Variants in NELL1 observed in about 807,000 individuals in gnomAD.
NELL1 encodes the protein protein kinase C-binding protein NELL1.
NELL1 carries 76 observed loss-of-function variants against 107.4 expected under a neutral mutation model. That is an observed-to-expected ratio of 0.71 (90% CI 0.59 to 0.86). The LOEUF (loss-of-function observed/expected upper bound fraction) is 0.86. Ranked by LOEUF, NELL1 falls within the 40% of genes least tolerant of loss-of-function variation. The pLI is 0.00. For synonymous variants in NELL1, 353 were observed against 341.2 expected, an observed-to-expected ratio of 1.03 and a Z score of -0.38; for missense variants, 1,024 against 1,005.5, an observed-to-expected ratio of 1.02 and a Z score of -0.25.
intron 12 of NELL1, among the ~76,000 whole-genome samples, chr11:20,980,626 T>C (rs1386978127): frequency 6.6e-6 from 1 of 152,224 alleles, no homozygotes; most frequent in African/African-American, 2.4e-5. Flanking sequence ...TCTATACAGT[T>C]CTGAATTTTT....
At chr11:20,851,342 T>G (rs1848791948) in intron 4 of NELL1, among the ~76,000 whole-genome samples, 1 of 152,198 alleles carries the variant, frequency 6.6e-6, no homozygotes, top group Non-Finnish European at 1.5e-5. Flanking sequence ...TTGTTTCAGC[T>G]GTTTAGCTGG....
At chr11:20,938,914 C>CTG (rs1162625349) in intron 10 of NELL1, among the ~76,000 whole-genome samples, 2 of 87,822 alleles carry the variant, frequency 2.3e-5, no homozygotes, top group African/African-American at 9.5e-5. Flanking sequence ...CTCTGTCTCT[C>CTG]TCTCTCTCTC....
intron 14 of NELL1, among the ~76,000 whole-genome samples, chr11:21,235,988 C>A (rs957719814): frequency 5.3e-5 from 8 of 152,132 alleles, no homozygotes; most frequent in African/African-American, 1.9e-4. Flanking sequence ...CTTATGATAT[C>A]ATCTTTCCCC....
chr11:20,932,070 G>C (rs1005723466), intron 9 of NELL1, among the ~76,000 whole-genome samples: 1 of 152,132 alleles, frequency 6.6e-6, no homozygotes, highest in Admixed American at 6.5e-5. Context: ...AAGCATCCAT[G>C]GCGGTACCGA....
chr11:21,520,919 G>C (rs1441477014), intron 15 of NELL1, among the ~76,000 whole-genome samples: 1 of 152,176 alleles, frequency 6.6e-6, no homozygotes, highest in Non-Finnish European at 1.5e-5. Flanking sequence ...AAATGCATCT[G>C]GCTATCCTGC....
At chr11:21,272,951 G>GA (rs1260261446) in intron 14 of NELL1, among the ~76,000 whole-genome samples, 4 of 152,096 alleles carry the variant, frequency 2.6e-5, no homozygotes, top group Admixed American at 1.3e-4. Flanking sequence ...CAAAGATGGG[G>GA]AAAAAACAGA....
At chr11:21,238,249 AT>A (rs1474554141) in intron 14 of NELL1, among the ~76,000 whole-genome samples, 5 of 152,058 alleles carry the variant, frequency 3.3e-5, no homozygotes, top group African/African-American at 1.2e-4. Flanking sequence ...TCCCTTCAGA[AT>A]ATCACAAATA....
intron 16 of NELL1, among the ~76,000 whole-genome samples, chr11:21,547,975 G>A (rs867588555): frequency 6.6e-5 from 10 of 151,740 alleles, no homozygotes; most frequent in African/African-American, 2.2e-4. Context: ...AGTTTCTACC[G>A]ATTCCTAAAT....
intron 14 of NELL1, among the ~76,000 whole-genome samples, chr11:21,230,669 A>T (rs1858024160): frequency 6.6e-6 from 1 of 152,234 alleles, no homozygotes; most frequent in Non-Finnish European, 1.5e-5. Context: ...GTAATGAGTG[A>T]AAAATAATTT....
chr11:21,315,441 T>C lies in NELL1; in HGVS notation c.1550-55412T>C, dbSNP rs369300409. Reference sequence around the variant, plus strand: ...GCAGTGCACCAGATTCAGGATGGGTTTAGGTTAAAGAATGGACAGAACTTG... The same window carrying C: ...GCAGTGCACCAGATTCAGGATGGGTCTAGGTTAAAGAATGGACAGAACTTG... On this transcript the variant is annotated intron_variant, in intron 14 of 19. Coordinates refer to ENST00000357134, the MANE Select transcript of NELL1 (RefSeq NM_006157.5). Among the ~76,000 whole-genome samples the C allele has an allele frequency of 1.2e-4, 19 of 152,204 alleles. No individual in the cohort carries two copies. The East Asian group carries it at 1.6e-3, about 12-fold the overall frequency.
At chr11:20,709,667 C>T (rs993189056) in intron 2 of NELL1, among the ~76,000 whole-genome samples, 17 of 152,218 alleles carry the variant, frequency 1.1e-4, no homozygotes, top group South Asian at 6.2e-4. Flanking sequence ...TCTACCCATC[C>T]GTAAGTGTGG....
chr11:21,228,696 CT>C (rs1393721425), intron 13 of NELL1, among the ~76,000 whole-genome samples: 4 of 5,730 alleles, frequency 7.0e-4, no homozygotes, highest in Admixed American at 1.6e-3. Context: ...CCCCTCCCCT[CT>C]CCTTCCCTCC....
chr11:20,718,201 A>T (rs1855297843), intron 2 of NELL1, among the ~76,000 whole-genome samples: 1 of 152,194 alleles, frequency 6.6e-6, no homozygotes, highest in Non-Finnish European at 1.5e-5. Flanking sequence ...GATGGAAAAG[A>T]TCTATAGCTA....
intron 14 of NELL1, among the ~76,000 whole-genome samples, chr11:21,263,253 T>C (rs1455796806): frequency 2.0e-5 from 3 of 151,940 alleles, no homozygotes; most frequent in Non-Finnish European, 4.4e-5. Context: ...CTCAAATGTT[T>C]AACCCGGCTT....
intron 13 of NELL1, among the ~76,000 whole-genome samples, chr11:21,124,658 A>G (rs1312934562): frequency 2.0e-5 from 3 of 151,226 alleles, no homozygotes; most frequent in Admixed American, 2.0e-4. Flanking sequence ...CTAGAGTGCA[A>G]TGGTGCGATC....
intron 3 of NELL1, among the ~76,000 whole-genome samples, chr11:20,790,234 G>C (rs59843654): frequency 0.028 from 4,329 of 152,264 alleles, 207 homozygotes; most frequent in African/African-American, 0.098. Context: ...AGGTGCCAAG[G>C]GATACCTGCA....
At chr11:20,734,143 G>A in intron 2 of NELL1, among the ~76,000 whole-genome samples, 1 of 152,132 alleles carries the variant, frequency 6.6e-6, no homozygotes, top group East Asian at 1.9e-4. Context: ...AAGGCTCCAA[G>A]CTTGGTGAGT....
chr11:20,971,825 C>T (rs1023295520), intron 12 of NELL1, among the ~76,000 whole-genome samples: 4 of 152,074 alleles, frequency 2.6e-5, no homozygotes, highest in Admixed American at 1.3e-4. Context: ...CACATATAGC[C>T]CATGGAATAC....
chr11:21,344,013 T>C (rs1850631543), intron 14 of NELL1, among the ~76,000 whole-genome samples: 1 of 152,200 alleles, frequency 6.6e-6, no homozygotes, highest in Admixed American at 6.5e-5. Context: ...TTTTTAATTT[T>C]GTACCAAGCA....
Sources: allele counts gnomAD v4.1 joint callset (sites outside exome capture counted in the v4.1 genomes callset), GRCh38; gene constraint gnomAD v4.1.1; transcripts MANE v1.5; gene names NCBI Gene and HGNC (gene_info 2026-07-23, HGNC 2026-07-21).